Variants in PPP3CB observed in about 807,000 individuals in gnomAD.
The protein encoded by PPP3CB is serine/threonine-protein phosphatase 2B catalytic subunit beta isoform.
A neutral mutation model predicts 66.4 loss-of-function variants in PPP3CB; 8 were observed. The observed-to-expected ratio is 0.12, with a 90% CI of 0.07 to 0.22. The LOEUF (loss-of-function observed/expected upper bound fraction) is 0.22, where lower values mean the gene tolerates loss of function less well. Among genes scored for constraint, PPP3CB ranks in the 10% least tolerant of loss-of-function variants. The pLI, the probability that PPP3CB is intolerant of heterozygous loss-of-function variation, is 1.00. For missense variants in PPP3CB, 319 were observed against 642.5 expected (o/e 0.50, Z 5.44); for synonymous variants, 208 against 221.2 (o/e 0.94, Z 0.53).
At chr10:73,484,493 G>C (rs956483006) in intron 1 of PPP3CB, among the ~76,000 whole-genome samples, 1 of 151,626 alleles carries the variant, frequency 6.6e-6, no homozygotes, top group Non-Finnish European at 1.5e-5. Context: ...GGATGGTCTC[G>C]ATCTCCTGAC....
chr10:73,458,732 T>A (rs1472287579), intron 9 of PPP3CB, among the ~76,000 whole-genome samples: 1 of 146,998 alleles, frequency 6.8e-6, no homozygotes, highest in Non-Finnish European at 1.5e-5. Flanking sequence ...ATATATATAT[T>A]TTTTCATCCA....
intron 13 of PPP3CB, among the ~76,000 whole-genome samples, chr10:73,439,365 T>G (rs2056111679): frequency 6.6e-6 from 1 of 151,990 alleles, no homozygotes; most frequent in Non-Finnish European, 1.5e-5. Flanking sequence ...TAGCCCAAAC[T>G]GCGGCCAAAA....
chr10:73,483,842 T>C (rs970803550), intron 1 of PPP3CB, among the ~76,000 whole-genome samples: 1 of 151,930 alleles, frequency 6.6e-6, no homozygotes, highest in Non-Finnish European at 1.5e-5. Flanking sequence ...AATTTTTTTT[T>C]CATCAAAAAC....
intron 12 of PPP3CB, among the ~76,000 whole-genome samples, chr10:73,443,328 G>GAA (rs554377408): frequency 4.6e-4 from 60 of 131,184 alleles, no homozygotes; most frequent in East Asian, 1.0e-3. Flanking sequence ...AAGAAAGAAA[G>GAA]AAAAAGAAAG....
At chr10:73,467,436 C>T in intron 9 of PPP3CB, 117 bp downstream of exon 9, 1 of 793,956 alleles carries the variant, frequency 1.3e-6, no homozygotes, top group Non-Finnish European at 1.8e-6. Context: ...ACAAGGAGAG[C>T]TGTAACCACA....
At chr10:73,453,905 T>C (rs748599700) in intron 10 of PPP3CB, among the ~76,000 whole-genome samples, 14 of 152,184 alleles carry the variant, frequency 9.2e-5, no homozygotes, top group Non-Finnish European at 2.1e-4. Context: ...ATGTATAACT[T>C]TGTTTCTGTG....
chr10:73,453,148 G>T (rs182648081), intron 10 of PPP3CB, among the ~76,000 whole-genome samples: 1 of 152,330 alleles, frequency 6.6e-6, no homozygotes, highest in Non-Finnish European at 1.5e-5. Flanking sequence ...GTCCTGTGGA[G>T]AAATATGTTT....
At position 73,444,777 on chromosome 10, in the gene PPP3CB, T is replaced by A; in HGVS notation, c.1314A>T (p.Thr438=). The A allele has an allele frequency of 6.2e-7, 1 of 1,613,950 alleles. No homozygotes were observed. Among genetic ancestry groups the A allele is most frequent in the Non-Finnish European group, 8.5e-7 (1 of 1,180,034 alleles). Residue 438 remains threonine (T), a synonymous_variant, in exon 12 of 14, where the codon ACA becomes ACT. Coordinates refer to ENST00000360663, the MANE Select transcript of PPP3CB (RefSeq NM_021132.4). ...SVLTLKGLTP[T]GMLPSGVLAG... ...CTAACACTCCACTAGGCAACATCCC[T>A]GTGGGAGTCAGGCCCTTGAGTGTCA...
intron 12 of PPP3CB, among the ~76,000 whole-genome samples, chr10:73,442,531 TATA>T (rs1411288241): frequency 6.6e-6 from 1 of 152,094 alleles, no homozygotes; most frequent in African/African-American, 2.4e-5. Flanking sequence ...CAAAGAAGAG[TATA>T]ATATTTTTGA....
intron 9 of PPP3CB, among the ~76,000 whole-genome samples, chr10:73,457,809 C>T (rs563490915): frequency 5.3e-5 from 8 of 150,418 alleles, no homozygotes; most frequent in South Asian, 2.1e-4. Flanking sequence ...AAATCATATA[C>T]GTAAGGGACT....
At chr10:73,442,535 A>G (rs1247635622) in intron 12 of PPP3CB, among the ~76,000 whole-genome samples, 1 of 152,218 alleles carries the variant, frequency 6.6e-6, no homozygotes, top group Non-Finnish European at 1.5e-5. Flanking sequence ...GAAGAGTATA[A>G]TATTTTTGAA....
chr10:73,483,380 C>T (rs1236527426), intron 1 of PPP3CB, among the ~76,000 whole-genome samples: 3 of 152,176 alleles, frequency 2.0e-5, no homozygotes, highest in Non-Finnish European at 2.9e-5. Flanking sequence ...TTTGGCTGGG[C>T]GCAGAGGCTC....
At chr10:73,464,946 CA>C (rs1211199797) in intron 9 of PPP3CB, among the ~76,000 whole-genome samples, 7,473 of 103,144 alleles carry the variant, frequency 0.072, 472 homozygotes, top group African/African-American at 0.21. Flanking sequence ...GACTGTGCCT[CA>C]AAAAAAAAAA....
At chr10:73,466,561 C>T (rs972084280) in intron 9 of PPP3CB, among the ~76,000 whole-genome samples, 1 of 152,176 alleles carries the variant, frequency 6.6e-6, no homozygotes, top group African/African-American at 2.4e-5. Flanking sequence ...AAGCCCTTAA[C>T]TGGCCCCCTT....
chr10:73,458,078 A>G lies in PPP3CB; in HGVS notation c.1109-3589T>C, dbSNP rs1324222690. Among the ~76,000 whole-genome samples, 5 of 152,322 alleles carry G rather than the reference A, an allele frequency of 3.3e-5. No individual in the cohort carries two copies. The South Asian group carries it at 8.3e-4, about 25-fold the overall frequency. ...AGCCTTGACTTCACCACTATGCAATATATCTATGTAACAAAATTACACTTA... is the reference window on the plus strand; with the variant it reads ...AGCCTTGACTTCACCACTATGCAATGTATCTATGTAACAAAATTACACTTA... On this transcript the variant is annotated intron_variant, in intron 9 of 13. Coordinates refer to ENST00000360663, the MANE Select transcript of PPP3CB (RefSeq NM_021132.4).
intron 1 of PPP3CB, among the ~76,000 whole-genome samples, chr10:73,481,410 T>C (rs1225850632): frequency 6.6e-6 from 1 of 150,908 alleles, no homozygotes; most frequent in Non-Finnish European, 1.5e-5. Flanking sequence ...GAGGCAGAAG[T>C]TGCAGTGAGC....
At chr10:73,448,323 A>ATTTCTTTG (rs2056292062) in intron 10 of PPP3CB, among the ~76,000 whole-genome samples, 2 of 152,224 alleles carry the variant, frequency 1.3e-5, no homozygotes, top group Non-Finnish European at 2.9e-5. Flanking sequence ...ATCATATTAA[A>ATTTCTTTG]GTAAATGGTC....
At chr10:73,478,774 G>C (rs969233018) in intron 2 of PPP3CB, 151 bp from the exon 3 acceptor site, 9 of 661,494 alleles carry the variant, frequency 1.4e-5, no homozygotes, top group Non-Finnish European at 2.0e-5. Context: ...TGATTAGGAT[G>C]ATGTGTAACC....
In PPP3CB at chr10:73,439,861, T is replaced by G; in HGVS notation, c.1396+11A>C. On this transcript the variant is annotated intron_variant, in intron 13 of 13. Transcript: ENST00000360663. The stretch of plus-strand genomic sequence containing the variant: ...ACAGATCTCTGCCCAGCACAAGGAC[T>G]CTGATCATACCTTTTTCAGCCTCAA... 3 of 1,612,938 alleles carry G rather than the reference T, an allele frequency of 1.9e-6. No homozygotes were observed. Among genetic ancestry groups the G allele is most frequent in the Non-Finnish European group, 2.5e-6 (3 of 1,179,018 alleles).
Sources: allele counts gnomAD v4.1 joint callset (sites outside exome capture counted in the v4.1 genomes callset), GRCh38; gene constraint gnomAD v4.1.1; transcripts MANE v1.5; gene names NCBI Gene and HGNC (gene_info 2026-07-23, HGNC 2026-07-21).